The following CPHXL2 variants were observed in gnomAD, a reference collection of about 807,000 sequenced individuals.
CPHXL2 encodes cytoplasmic polyadenylated homeobox-like protein 2.
chr16:75,670,590 C>T, the CPHXL2 span, among the ~76,000 whole-genome samples: 15 of 152,274 alleles, frequency 9.9e-5, no homozygotes, highest in East Asian at 2.7e-3. Flanking sequence ...TTTACTGCAA[C>T]GTCCACCTCC....
the CPHXL2 span, chr16:75,676,896 G>T: frequency 2.5e-6 from 1 of 398,296 alleles, no homozygotes; most frequent in Non-Finnish European, 4.4e-6. Context: ...ACTATTATAA[G>T]GTAAAAGTTG....
At chr16:75,672,660 T>G in the CPHXL2 span, among the ~76,000 whole-genome samples, 1 of 152,140 alleles carries the variant, frequency 6.6e-6, no homozygotes, top group Non-Finnish European at 1.5e-5. Context: ...AATTTTTGAA[T>G]TTTTAGTAGA....
At chr16:75,662,838 G>A in the CPHXL2 span, among the ~76,000 whole-genome samples, 5 of 139,054 alleles carry the variant, frequency 3.6e-5, no homozygotes, top group African/African-American at 5.4e-5. Flanking sequence ...TCGCTCTGTC[G>A]TCCAGGCTGG....
chr16:75,666,131 A>AT, the CPHXL2 span, among the ~76,000 whole-genome samples: 9 of 152,142 alleles, frequency 5.9e-5, no homozygotes, highest in African/African-American at 9.7e-5. Context: ...AGGAGTAGCT[A>AT]TTTTTTATCA....
the CPHXL2 span, among the ~76,000 whole-genome samples, chr16:75,668,372 G>A: frequency 6.6e-6 from 1 of 151,890 alleles, no homozygotes; most frequent in Non-Finnish European, 1.5e-5. Context: ...GAGATTACAG[G>A]CACGCACCAC....
the CPHXL2 span, among the ~76,000 whole-genome samples, chr16:75,674,372 C>CAAAAAAAAAAAAA: frequency 1.9e-5 from 1 of 53,396 alleles, no homozygotes; most frequent in African/African-American, 7.4e-5. Flanking sequence ...GACTCCGTCT[C>CAAAAAAAAAAAAA]AAAAAAAAAA....
At chr16:75,669,424 G>C in the CPHXL2 span, 1 of 400,586 alleles carries the variant, frequency 2.5e-6, no homozygotes, top group Non-Finnish European at 4.4e-6. Context: ...GGTGAAATCA[G>C]GATAACCGTT....
At chr16:75,672,199 A>C in the CPHXL2 span, among the ~76,000 whole-genome samples, 1 of 151,948 alleles carries the variant, frequency 6.6e-6, no homozygotes, top group African/African-American at 2.4e-5. Context: ...GAATCGCTTG[A>C]AACTGGGAGG....
the CPHXL2 span, among the ~76,000 whole-genome samples, chr16:75,671,853 G>C: frequency 6.6e-6 from 1 of 152,200 alleles, no homozygotes; most frequent in African/African-American, 2.4e-5. Context: ...GGCAAGGTGA[G>C]ACAGTAAATG....
the CPHXL2 span, among the ~76,000 whole-genome samples, chr16:75,674,372 CAAAAAAAAAAAAAA>C: frequency 1.9e-5 from 1 of 53,400 alleles, no homozygotes; most frequent in Non-Finnish European, 3.7e-5. Flanking sequence ...GACTCCGTCT[CAAAAAAAAAAAAAA>C]AAAAAAAAGA....
the CPHXL2 span, among the ~76,000 whole-genome samples, chr16:75,668,767 T>A: frequency 6.6e-6 from 1 of 152,306 alleles, no homozygotes; most frequent in African/African-American, 2.4e-5. Context: ...TATTTTTTTT[T>A]AATTGTGCAG....
the CPHXL2 span, among the ~76,000 whole-genome samples, chr16:75,674,291 T>G: frequency 1.4e-5 from 2 of 141,908 alleles, no homozygotes; most frequent in East Asian, 4.2e-4. Context: ...GACAATGGTG[T>G]GAACCCGGGA....
the CPHXL2 span, among the ~76,000 whole-genome samples, chr16:75,666,167 C>T: frequency 6.6e-6 from 1 of 152,072 alleles, no homozygotes; most frequent in Non-Finnish European, 1.5e-5. Context: ...AAAGCAACAG[C>T]AGTTAGAAAA....
the CPHXL2 span, chr16:75,661,334 T>G: frequency 2.5e-6 from 1 of 398,610 alleles, no homozygotes. Flanking sequence ...GGAGGCTTTT[T>G]CTTTTTAAGC....
the CPHXL2 span, among the ~76,000 whole-genome samples, chr16:75,661,703 C>G: frequency 6.6e-6 from 1 of 151,994 alleles, no homozygotes; most frequent in African/African-American, 2.4e-5. Flanking sequence ...TTTCTGATAC[C>G]ATTTCTGTTG....
chr16:75,660,247 G>C, the CPHXL2 span: 1 of 398,388 alleles, frequency 2.5e-6, no homozygotes. Flanking sequence ...CTATGGTTCT[G>C]TGATACTTAG....
chr16:75,668,226 TA>T, the CPHXL2 span, among the ~76,000 whole-genome samples: 44 of 97,144 alleles, frequency 4.5e-4, no homozygotes, highest in African/African-American at 3.5e-3. Flanking sequence ...TATATATACA[TA>T]TATATTTTTT....
the CPHXL2 span, among the ~76,000 whole-genome samples, chr16:75,663,680 G>A: frequency 6.6e-6 from 1 of 152,024 alleles, no homozygotes; most frequent in Non-Finnish European, 1.5e-5. Flanking sequence ...TCAGGAGATT[G>A]AGACCATACT....
the CPHXL2 span, among the ~76,000 whole-genome samples, chr16:75,666,950 T>C: frequency 2.6e-5 from 4 of 152,132 alleles, no homozygotes; most frequent in African/African-American, 9.7e-5. Flanking sequence ...TGCAAATATA[T>C]GGAAATTAAA....
Sources: allele counts gnomAD v4.1 joint callset (sites outside exome capture counted in the v4.1 genomes callset), GRCh38; gene constraint gnomAD v4.1.1; transcripts MANE v1.5; gene names NCBI Gene and HGNC (gene_info 2026-07-23, HGNC 2026-07-21).